ZEB2: variants seen among roughly 807,000 people sequenced by gnomAD.
ZEB2 encodes zinc finger E-box binding homeobox 2.
A neutral mutation model predicts 99.9 loss-of-function variants in ZEB2; 6 were observed. The ratio of observed to expected loss-of-function variants is 0.06; its 90% CI spans 0.03 to 0.12. The LOEUF (loss-of-function observed/expected upper bound fraction) is 0.12, where lower values mean the gene tolerates loss of function less well. Ranked by LOEUF, ZEB2 falls within the 10% of genes least tolerant of loss-of-function variation. ZEB2 has a pLI of 1.00. For synonymous variants in ZEB2, 517 were observed against 542.5 expected, an observed-to-expected ratio of 0.95 and a Z score of 0.65; for missense variants, 969 against 1,502.8, an observed-to-expected ratio of 0.64 and a Z score of 5.87.
intron 2 of ZEB2, among the ~76,000 whole-genome samples, chr2:144,499,946 G>A (rs1378440847): frequency 6.6e-6 from 1 of 152,142 alleles, no homozygotes. Flanking sequence ...GGCAGCATTT[G>A]TTCAGCATTT....
intron 2 of ZEB2, among the ~76,000 whole-genome samples, chr2:144,509,545 G>A (rs897650129): frequency 6.6e-6 from 1 of 152,040 alleles, no homozygotes; most frequent in Non-Finnish European, 1.5e-5. Context: ...AAAAGCCCCC[G>A]TTTCAAATCA....
At chr2:144,480,726 TA>T (rs765124109) in intron 2 of ZEB2, among the ~76,000 whole-genome samples, 38 of 51,686 alleles carry the variant, frequency 7.4e-4, no homozygotes, top group East Asian at 1.0e-3. Flanking sequence ...TACTAAAAGT[TA>T]AAAAAAAAAA....
At chr2:144,513,778 GCTCATTTCT>G in intron 2 of ZEB2, 1 of 1,536,134 alleles carries the variant, frequency 6.5e-7, no homozygotes, top group Non-Finnish European at 8.7e-7. Flanking sequence ...CGCTCCGAGT[GCTCATTTCT>G]GACTCCAAGG....
At chr2:144,400,464 G>A in intron 7 of ZEB2, 194 bp from the exon 8 acceptor site, 1 of 674,712 alleles carries the variant, frequency 1.5e-6, no homozygotes, top group Non-Finnish European at 2.5e-6. Flanking sequence ...CATAATTCAA[G>A]ATGTTCACAG....
rs575672832 is a variant in ZEB2, at chr2:144,430,083, C to T, written c.74-57G>A. On this transcript the variant is annotated intron_variant, in intron 2 of 9. Transcript: ENST00000627532. ...ACACTCTGTTGAGAAACATCAGCCA[C>T]CCCTAATTGTTTAGTTAAATGGAAA... The T allele has an allele frequency of 5.0e-6, 8 of 1,602,856 alleles. No individual in the cohort carries two copies. The African/African-American group carries it at 8.0e-5, about 16-fold the overall frequency.
intron 2 of ZEB2, among the ~76,000 whole-genome samples, chr2:144,469,364 T>C (rs1020026522): frequency 6.6e-6 from 1 of 152,150 alleles, no homozygotes; most frequent in Non-Finnish European, 1.5e-5. Flanking sequence ...ACTGCCTTCG[T>C]AGAGCACGCA....
At chr2:144,479,180 A>T (rs1042084254) in intron 2 of ZEB2, among the ~76,000 whole-genome samples, 4 of 152,230 alleles carry the variant, frequency 2.6e-5, no homozygotes, top group East Asian at 1.9e-4. Context: ...ATCTATTACC[A>T]CTTGGGCTGC....
chr2:144,452,224 G>C (rs925042496), intron 2 of ZEB2, among the ~76,000 whole-genome samples: 6 of 152,114 alleles, frequency 3.9e-5, no homozygotes, highest in African/African-American at 7.2e-5. Flanking sequence ...GCCTAGACGG[G>C]TAGGAAATAT....
chr2:144,411,646 G>C lies in ZEB2; in HGVS notation c.404-6622C>G, dbSNP rs1317182385. Among the ~76,000 whole-genome samples, 4 of 152,212 alleles carry C rather than the reference G, an allele frequency of 2.6e-5. No individual in the cohort carries two copies. In the East Asian group the frequency reaches 5.8e-4, roughly 22 times the overall value. On this transcript the variant is annotated intron_variant, in intron 4 of 9. Transcript: ENST00000627532. ...GGCATGGATAAAGCCAGGTCGTCAA[G>C]AGCAACAGAAAAGTTTTCTGCTCTT...
rs1703120622 is a variant in ZEB2, at chr2:144,389,156, T to C, written c.*295A>G. 1.2e-5 allele frequency: 7 copies of C among 579,056 alleles called. No homozygotes were observed. The Admixed American group carries it at 1.7e-4, about 14-fold the overall frequency. The allele number at this position is 579,056 out of a possible 1,614,324, so 35.9% of individuals were successfully genotyped here. On this transcript the variant is annotated 3_prime_UTR_variant, in exon 10 of 10. Coordinates refer to ENST00000627532, the MANE Select transcript of ZEB2 (RefSeq NM_014795.4). The surrounding 1 kb of genome is among the most constrained non-coding windows in gnomAD (Gnocchi z 6.8). ...TGATACATAAGTAGAGTGCAATTCT[T>C]ACAATTTTCTAGTTGTGCTTAAAGT...
At chr2:144,497,960 T>G (rs184168232) in intron 2 of ZEB2, among the ~76,000 whole-genome samples, 1 of 30,222 alleles carries the variant, frequency 3.3e-5, no homozygotes, top group African/African-American at 1.7e-4. Context: ...ATATAATATA[T>G]ATTAATATTA....
At chr2:144,494,739 C>T (rs1704736262) in intron 2 of ZEB2, 1 of 152,026 alleles carries the variant, frequency 6.6e-6, no homozygotes, top group Non-Finnish European at 1.5e-5. Context: ...TTTTTTTCTC[C>T]AAATGGATCA....
At chr2:144,434,424 G>A (rs1703811362) in intron 2 of ZEB2, among the ~76,000 whole-genome samples, 1 of 152,146 alleles carries the variant, frequency 6.6e-6, no homozygotes, top group South Asian at 2.1e-4. Flanking sequence ...TCAACTCTTT[G>A]ACAAAGGAGG....
At chr2:144,401,452 G>A (rs1273279366) in intron 6 of ZEB2, 145 bp from the exon 7 acceptor site, 15 of 756,666 alleles carry the variant, frequency 2.0e-5, no homozygotes, top group Middle Eastern at 5.9e-4. Flanking sequence ...TTTCAGAGTT[G>A]CAATAAAAGT....
intron 2 of ZEB2, among the ~76,000 whole-genome samples, chr2:144,481,064 A>T (rs947183246): frequency 6.6e-6 from 1 of 152,198 alleles, no homozygotes; most frequent in Non-Finnish European, 1.5e-5. Context: ...CTTTGAGTTG[A>T]AGATCTTAGA....
At chr2:144,424,497 T>C (rs1703663743) in intron 4 of ZEB2, 4 of 587,540 alleles carry the variant, frequency 6.8e-6, no homozygotes, top group South Asian at 5.9e-5. Flanking sequence ...TGCAGTCTTT[T>C]AAAATAAAAG....
At chr2:144,423,671 C>T (rs1703650653) in intron 4 of ZEB2, among the ~76,000 whole-genome samples, 1 of 151,874 alleles carries the variant, frequency 6.6e-6, no homozygotes, top group African/African-American at 2.4e-5. Context: ...ATTTTTATAC[C>T]TTAAATTGAC....
At chr2:144,457,220 C>T (rs1426406056) in intron 2 of ZEB2, among the ~76,000 whole-genome samples, 1 of 152,146 alleles carries the variant, frequency 6.6e-6, no homozygotes, top group East Asian at 1.9e-4. Flanking sequence ...CGTTAATAGA[C>T]ATTTTTCCAC....
At chr2:144,448,509 A>G (rs1343143063) in intron 2 of ZEB2, among the ~76,000 whole-genome samples, 2 of 152,198 alleles carry the variant, frequency 1.3e-5, no homozygotes, top group Non-Finnish European at 2.9e-5. Context: ...GCTGCATCAC[A>G]CTTTTCAAAC....
Sources: allele counts gnomAD v4.1 joint callset (sites outside exome capture counted in the v4.1 genomes callset), GRCh38; gene constraint gnomAD v4.1.1; non-coding constraint Gnocchi (gnomAD v3.1); transcripts MANE v1.5; gene names NCBI Gene and HGNC (gene_info 2026-07-23, HGNC 2026-07-21).